PSKH2: variants seen among roughly 807,000 people sequenced by gnomAD.
PSKH2 encodes the protein serine/threonine-protein kinase H2.
PSKH2 carries 16 observed loss-of-function variants against 22.5 expected under a neutral mutation model. The ratio of observed to expected loss-of-function variants is 0.71; its 90% CI spans 0.48 to 1.08. The LOEUF is 1.08. PSKH2 is among the 50% of genes least tolerant of loss of function. PSKH2 has a pLI of 0.00. For missense variants in PSKH2, 516 were observed against 492.8 expected, an observed-to-expected ratio of 1.05 and a Z score of -0.44; for synonymous variants, 188 against 184.8, an observed-to-expected ratio of 1.02 and a Z score of -0.14.
At chr8:86,059,697 CT>C (rs1366531891) in intron 2 of PSKH2, among the ~76,000 whole-genome samples, 4 of 152,222 alleles carry the variant, frequency 2.6e-5, no homozygotes, top group Non-Finnish European at 5.9e-5. Context: ...TGCAAATTCT[CT>C]TTTATCACAT....
At chr8:86,054,480 T>C (rs1817674758) in intron 2 of PSKH2, among the ~76,000 whole-genome samples, 1 of 152,214 alleles carries the variant, frequency 6.6e-6, no homozygotes, top group Non-Finnish European at 1.5e-5. Flanking sequence ...TTGTTAGTAG[T>C]AGGCATGGCA....
At position 86,049,730 on chromosome 8, in the gene PSKH2, GAAAGAAAGAAAGAAAGAAACGAAAGAAA is replaced by G. The variant is rs1364918618; in HGVS notation, c.853-991_853-964del. On this transcript the variant is annotated intron_variant, in intron 2 of 2. Transcript: ENST00000276616. ...AGAAAGAAAGAAAGAAAGAAAGAAA[GAAAGAAAGAAAGAAAGAAACGAAAGAAA>G]GAAAGAAAGAGAAAAGAAAGAAAAA... Among the ~76,000 whole-genome samples, 192 of 57,294 alleles carry G rather than the reference GAAAGAAAGAAAGAAAGAAACGAAAGAAA, an allele frequency of 3.4e-3. 10 individuals are homozygous for G. The highest frequency in any genetic ancestry group is 1.0e-2 in the African/African-American group (169 of 16,942). The allele number at this position is 57,294 out of a possible 152,430, so 37.6% of individuals were successfully genotyped here.
At chr8:86,064,813 A>G (rs1817836147) in intron 1 of PSKH2, among the ~76,000 whole-genome samples, 182 bp from the exon 2 acceptor site, 1 of 152,224 alleles carries the variant, frequency 6.6e-6, no homozygotes, top group Non-Finnish European at 1.5e-5. Flanking sequence ...AAATGGAGGA[A>G]AACGATATAA....
chr8:86,066,769 C>T (rs751657727), intron 1 of PSKH2, among the ~76,000 whole-genome samples: 10 of 152,018 alleles, frequency 6.6e-5, no homozygotes, highest in Non-Finnish European at 1.2e-4. Flanking sequence ...CAGAAAACAG[C>T]TTTGTTCTCC....
At chr8:86,065,421 C>T (rs567884575) in intron 1 of PSKH2, among the ~76,000 whole-genome samples, 19 of 152,276 alleles carry the variant, frequency 1.2e-4, no homozygotes, top group Non-Finnish European at 2.9e-5. Context: ...CACAGTCTCC[C>T]TCCATCCCCA....
In PSKH2 at chr8:86,048,413, T is replaced by C. The variant is rs1349031257; in HGVS notation, c.*49A>G. On this transcript the variant is annotated 3_prime_UTR_variant, in exon 3 of 3. Coordinates refer to ENST00000276616, the MANE Select transcript of PSKH2 (RefSeq NM_033126.3). ...TTGGAGCTTGAGGGTGCCCTAATCA[T>C]GATGAAATGGTCCTAAAATAGGCAA... 1.4e-6 allele frequency: 2 copies of C among 1,447,740 alleles called. No individual in the cohort carries two copies. The highest frequency in any genetic ancestry group is 1.9e-6 in the Non-Finnish European group (2 of 1,048,728). The allele number at this position is 1,447,740 out of a possible 1,614,324, so 89.7% of individuals were successfully genotyped here.
At chr8:86,049,804 G>C (rs1335552462) in intron 2 of PSKH2, among the ~76,000 whole-genome samples, 1 of 149,414 alleles carries the variant, frequency 6.7e-6, no homozygotes, top group East Asian at 2.0e-4. Flanking sequence ...AAGGAAGAGA[G>C]AAAGAGGAAG....
chr8:86,049,954 A>C (rs1817608188), intron 2 of PSKH2, among the ~76,000 whole-genome samples: 1 of 152,170 alleles, frequency 6.6e-6, no homozygotes, highest in Non-Finnish European at 1.5e-5. Flanking sequence ...CAATCAGCTG[A>C]GAACAAATAG....
intron 2 of PSKH2, among the ~76,000 whole-genome samples, chr8:86,051,064 T>TTGTG (rs1426341672): frequency 3.3e-5 from 5 of 151,014 alleles, no homozygotes; most frequent in Admixed American, 2.6e-4. Context: ...AACTCAGAAT[T>TTGTG]TGTTTGTTTG....
In PSKH2 at chr8:86,060,709, T is replaced by A. The variant is rs576595251; in HGVS notation, c.852+3256A>T. Among the ~76,000 whole-genome samples the A allele has an allele frequency of 2.0e-5, 3 of 152,326 alleles. No individual in the cohort carries two copies. The South Asian group carries it at 6.2e-4, about 32-fold the overall frequency. On this transcript the variant is annotated intron_variant, in intron 2 of 2. Transcript: ENST00000276616. The stretch of plus-strand genomic sequence containing the variant: ...GATGATATCAAAAGAAATGTTAATA[T>A]GCTAGACATGAGTGCCTGACAGACA...
At chr8:86,055,107 C>T (rs1460794318) in intron 2 of PSKH2, among the ~76,000 whole-genome samples, 1 of 152,074 alleles carries the variant, frequency 6.6e-6, no homozygotes, top group Non-Finnish European at 1.5e-5. Flanking sequence ...ATATTTATAA[C>T]TAGTTCTTGC....
At chr8:86,062,585 A>G (rs933776562) in intron 2 of PSKH2, among the ~76,000 whole-genome samples, 1 of 151,936 alleles carries the variant, frequency 6.6e-6, no homozygotes, top group African/African-American at 2.4e-5. Context: ...ATGGTTTTAT[A>G]AAGGGCTCTT....
chr8:86,065,520 G>T (rs968436050), intron 1 of PSKH2, among the ~76,000 whole-genome samples: 1 of 151,974 alleles, frequency 6.6e-6, no homozygotes, highest in African/African-American at 2.4e-5. Context: ...CCACAAAAAG[G>T]CCAAGAACAT....
Position 86,048,601 on chromosome 8 carries a change from A to G in PSKH2, c.1019T>C (p.Leu340Pro). The change falls in exon 3 of 3, where the codon CTC (leucine) becomes CCC (proline). Residue 340 changes from leucine to proline, a missense_variant. Transcript: ENST00000276616. ...AGAGTGGGGAGAGGCCCTCTGCATGAGGTTTCGGGATATGGCCCTCTGGAG... is the reference window on the plus strand; with the variant it reads ...AGAGTGGGGAGAGGCCCTCTGCATGGGGTTTCGGGATATGGCCCTCTGGAG... The part of the protein sequence containing the change: ...KNLQRAISRN[L>P]MQRASPHSQS... The G allele has an allele frequency of 1.2e-6, 2 of 1,614,082 alleles. No homozygotes were observed.
At chr8:86,059,954 A>G (rs533890014) in intron 2 of PSKH2, among the ~76,000 whole-genome samples, 198 of 152,350 alleles carry the variant, frequency 1.3e-3, no homozygotes, top group Middle Eastern at 3.4e-3. Flanking sequence ...TTAGTGAAGT[A>G]AACAGTGGAT....
intron 1 of PSKH2, among the ~76,000 whole-genome samples, chr8:86,066,058 T>C (rs1216218046): frequency 1.3e-5 from 2 of 152,140 alleles, no homozygotes; most frequent in Non-Finnish European, 2.9e-5. Flanking sequence ...ATGCTAGACT[T>C]AAAATCACGA....
chr8:86,050,841 C>T (rs966731989), intron 2 of PSKH2, among the ~76,000 whole-genome samples: 5 of 152,142 alleles, frequency 3.3e-5, no homozygotes. Flanking sequence ...AAAGCAGAGT[C>T]CATACATAGA....
intron 2 of PSKH2, among the ~76,000 whole-genome samples, chr8:86,051,927 A>T (rs1817636210): frequency 1.3e-5 from 2 of 152,252 alleles, no homozygotes; most frequent in South Asian, 4.1e-4. Flanking sequence ...ACTGGAGAGT[A>T]TCTAGGAGTC....
rs574240737 is a variant in PSKH2, at chr8:86,064,224, G to T, written c.593C>A (p.Ser198Ter). The T allele has an allele frequency of 1.2e-6, 2 of 1,613,952 alleles. No individual in the cohort carries two copies. Among genetic ancestry groups the T allele is most frequent in the South Asian group, 1.1e-5 (1 of 91,058 alleles). ...ACCAAAATCTGTAATTAAAATTTTC[G>T]ACTCTTCACCTGGATGATAGTATAA... Reference protein sequence around the residue: ...NLLYYHPGEESKILITDFGLA... With the variant: ...NLLYYHPGEE The change falls in exon 2 of 3, where the codon TCG becomes TAG. Residue 198 changes from serine to a stop codon, truncating the protein, a stop_gained. Transcript: ENST00000276616. LOFTEE classifies it high-confidence loss of function.
Sources: allele counts gnomAD v4.1 joint callset (sites outside exome capture counted in the v4.1 genomes callset), GRCh38; gene constraint gnomAD v4.1.1; transcripts MANE v1.5; gene names NCBI Gene and HGNC (gene_info 2026-07-23, HGNC 2026-07-21).